The following ZNF783 variants were observed in gnomAD, a reference collection of about 807,000 sequenced individuals.
ZNF783 encodes zinc finger protein 783, also known as protein ZNF783.
A neutral mutation model predicts 31.3 loss-of-function variants in ZNF783; 25 were observed. That is an observed-to-expected ratio of 0.80 (90% CI 0.58 to 1.11). The LOEUF is 1.11. Among genes scored for constraint, ZNF783 ranks in the 50% most tolerant of loss-of-function variants. ZNF783 has a pLI of 0.00. For missense variants in ZNF783, 797 were observed against 760.0 expected (o/e 1.05, Z -0.57); for synonymous variants, 369 against 319.1 (o/e 1.16, Z -1.66).
rs759098584 is a variant in ZNF783, at chr7:149,266,452, G to A, written c.142G>A (p.Ala48Thr). ...STEITLWTVVAAIQALEKKVD... is the reference protein window; with the variant it reads ...STEITLWTVVTAIQALEKKVD... ...GGAAATCACACTGTGGACGGTGGTG[G>A]CCGCCATTCAGGCCTTGGAGAAGAA... Residue 48 changes from alanine (A) to threonine (T), a missense_variant, in exon 2 of 6, where the codon GCC (alanine) becomes ACC (threonine). By Grantham distance (58) the Ala-to-Thr change is moderately conservative. Coordinates refer to ENST00000434415, the MANE Select transcript of ZNF783 (RefSeq NM_001195220.2). 29 of 1,607,456 alleles carry A rather than the reference G, an allele frequency of 1.8e-5. No individual in the cohort carries two copies. In the Admixed American group the frequency reaches 4.8e-4, roughly 27 times the overall value.
At position 149,266,498 on chromosome 7, in the gene ZNF783, G is replaced by A. The variant is rs778915004; in HGVS notation, c.188G>A (p.Arg63His). 158 of 1,613,522 alleles carry A rather than the reference G, an allele frequency of 9.8e-5. No homozygotes were observed. In the South Asian group the frequency reaches 9.9e-4, roughly 10 times the overall value. ...AAGAAGGTGGATTCCTGCCTGACCC[G>A]CTTGCTGACTCTGGAGGGGCGCACG... The part of the protein sequence containing the change: ...LEKKVDSCLT[R>H]LLTLEGRTGT... Residue 63 changes from arginine to histidine, a missense_variant, in exon 2 of 6, where the codon CGC becomes CAC. By Grantham distance (29) the Arg-to-His change is conservative. Coordinates refer to ENST00000434415, the MANE Select transcript of ZNF783 (RefSeq NM_001195220.2).
intron 4 of ZNF783, among the ~76,000 whole-genome samples, chr7:149,273,875 G>A (rs1797265885): frequency 6.6e-6 from 1 of 152,138 alleles, no homozygotes. Context: ...TATCTATTCA[G>A]ATCTTTTGCC....
At chr7:149,273,337 A>G (rs905522113) in intron 4 of ZNF783, among the ~76,000 whole-genome samples, 1 of 152,126 alleles carries the variant, frequency 6.6e-6, no homozygotes, top group Non-Finnish European at 1.5e-5. Flanking sequence ...ACTGTTCTCC[A>G]TAGTGGTTGC....
chr7:149,281,125 T>C (rs928065996), intron 5 of ZNF783, among the ~76,000 whole-genome samples: 2 of 152,176 alleles, frequency 1.3e-5, no homozygotes, highest in Non-Finnish European at 2.9e-5. Flanking sequence ...TCACAGATGG[T>C]AACTAATGTC....
At chr7:149,275,038 A>G (rs1194264883) in intron 4 of ZNF783, among the ~76,000 whole-genome samples, 4 of 152,210 alleles carry the variant, frequency 2.6e-5, no homozygotes, top group Non-Finnish European at 5.9e-5. Context: ...AACATGGAAT[A>G]TCTTTCCATT....
intron 4 of ZNF783, chr7:149,276,682 T>TTTAG: frequency 1.1e-6 from 1 of 921,126 alleles, no homozygotes; most frequent in Non-Finnish European, 1.3e-6. Context: ...TATTTATTTA[T>TTTAG]TTATTTGAGA....
rs1585614738 is a variant in ZNF783 at position 149,273,527 on chromosome 7, C to A, written c.674-4872C>A. Among the ~76,000 whole-genome samples the A allele has an allele frequency of 4.6e-5, 7 of 151,782 alleles. 1 individual carries two copies. In the South Asian group the frequency reaches 1.3e-3, roughly 27 times the overall value. On this transcript the variant is annotated intron_variant, in intron 4 of 5. Coordinates refer to ENST00000434415, the MANE Select transcript of ZNF783 (RefSeq NM_001195220.2). ...ATTATGTTGAGCACCTTTTCATATA[C>A]CTGTTTGCCATTTGTACTTTTTTTT... is the stretch of plus-strand genomic sequence containing the variant.
At position 149,284,205 on chromosome 7, in the gene ZNF783, C is replaced by T. The variant is rs569291742; in HGVS notation, c.*1862C>T. The stretch of plus-strand genomic sequence containing the variant: ...CCCAGCTATCCTTGTTTTTTACCGC[C>T]TTGTCTGGCACTGTGACCACGCTTC... On this transcript the variant is annotated 3_prime_UTR_variant, in exon 6 of 6. Coordinates refer to ENST00000434415, the MANE Select transcript of ZNF783 (RefSeq NM_001195220.2). The T allele has an allele frequency of 1.3e-5, 2 of 152,438 alleles. No homozygotes were observed. The highest frequency in any genetic ancestry group is 2.4e-5 in the African/African-American group (1 of 41,570). 9.4% of individuals were successfully genotyped at this position (152,438 alleles called of 1,614,324 possible).
At chr7:149,271,839 G>A (rs1260957836) in intron 4 of ZNF783, among the ~76,000 whole-genome samples, 1 of 152,068 alleles carries the variant, frequency 6.6e-6, no homozygotes, top group Admixed American at 6.6e-5. Flanking sequence ...ATATGATTAT[G>A]TACAGATCTT....
chr7:149,263,490 ATATC>A lies in ZNF783; in HGVS notation c.24+1147_24+1150del, dbSNP rs748938303. ...ACAGGCGCAGGTGCCTGTCTCATTT[ATATC>A]TATCTATCTATCTGTCCAGATACAT... On this transcript the variant is annotated intron_variant, in intron 1 of 5. Transcript: ENST00000434415. 1.5e-3 allele frequency among the ~76,000 whole-genome samples: 232 copies of A among 151,866 alleles called. 1 individual carries two copies. The highest frequency in any genetic ancestry group is 2.2e-3 in the African/African-American group (91 of 41,408).
intron 4 of ZNF783, among the ~76,000 whole-genome samples, chr7:149,273,221 G>T (rs1797248700): frequency 1.3e-5 from 2 of 152,222 alleles, no homozygotes; most frequent in South Asian, 4.1e-4. Flanking sequence ...TGGGAGTGCA[G>T]ATACCTCTTT....
chr7:149,276,233 A>C, intron 4 of ZNF783: 1 of 634,974 alleles, frequency 1.6e-6, no homozygotes, highest in Non-Finnish European at 2.0e-6. Context: ...CAGGATTCAT[A>C]TTTTCACTTA....
chr7:149,262,268 C>T lies in ZNF783; in HGVS notation c.-66C>T. ...TCCCGCTCCGCTTCCGCCGTCGCTG[C>T]CGCGCCGCCCCGGGCCCGACAGGCC... On this transcript the variant is annotated 5_prime_UTR_variant, in exon 1 of 6. Coordinates refer to ENST00000434415, the MANE Select transcript of ZNF783 (RefSeq NM_001195220.2). The T allele has an allele frequency of 1.5e-6, 2 of 1,306,094 alleles. No homozygotes were observed. The highest frequency in any genetic ancestry group is 3.7e-5 in the Admixed American group (1 of 26,878). The allele number at this position is 1,306,094 out of a possible 1,614,324, so 80.9% of individuals were successfully genotyped here. A position where few individuals can be genotyped will look rare whatever the true frequency, so the allele number is the denominator to read the frequency against.
At chr7:149,278,222 G>A (rs1451580898) in intron 4 of ZNF783, 177 bp from the exon 5 acceptor site, 23 of 1,409,556 alleles carry the variant, frequency 1.6e-5, no homozygotes, top group South Asian at 1.5e-4. Context: ...TGGGACATGA[G>A]GCTTTAGACT....
Position 149,262,363 on chromosome 7 carries a change from C to G in ZNF783, c.24+6C>G. On this transcript the variant is annotated splice_donor_region_variant and intron_variant, in intron 1 of 5. Coordinates refer to ENST00000434415, the MANE Select transcript of ZNF783 (RefSeq NM_001195220.2). The stretch of plus-strand genomic sequence containing the variant: ...CCGAAGCGGCGCCTGCCCGGGTAAG[C>G]GCCCTCGGCCCCGCGGACGCCCGGA... The G allele has an allele frequency of 7.7e-7, 1 of 1,301,232 alleles. No individual in the cohort carries two copies. Among genetic ancestry groups the G allele is most frequent in the South Asian group, 2.1e-5 (1 of 48,386 alleles). 80.6% of individuals were successfully genotyped at this position (1,301,232 alleles called of 1,614,324 possible). A position where few individuals can be genotyped will look rare whatever the true frequency, so the allele number is the denominator to read the frequency against.
chr7:149,263,300 G>GTA (rs1192944583), intron 1 of ZNF783, among the ~76,000 whole-genome samples: 12 of 74,298 alleles, frequency 1.6e-4, no homozygotes, highest in East Asian at 7.2e-4. Flanking sequence ...GTGTGTGTGT[G>GTA]TGTGTATATA....
chr7:149,278,261 GT>G, intron 4 of ZNF783, 137 bp from the exon 5 acceptor site: 1 of 1,456,552 alleles, frequency 6.9e-7, no homozygotes, highest in South Asian at 1.4e-5. Flanking sequence ...ATTTGGTGGG[GT>G]CCACCTCACT....
At chr7:149,264,723 A>G (rs1797022580) in intron 1 of ZNF783, among the ~76,000 whole-genome samples, 1 of 151,902 alleles carries the variant, frequency 6.6e-6, no homozygotes, top group South Asian at 2.1e-4. Flanking sequence ...AAATATAAAA[A>G]TCAGCTGGGT....
chr7:149,271,978 A>G (rs1185851245), intron 4 of ZNF783, among the ~76,000 whole-genome samples: 3 of 152,200 alleles, frequency 2.0e-5, no homozygotes, highest in Admixed American at 6.5e-5. Flanking sequence ...TACGTTGTGC[A>G]TAAATCAGTT....
Sources: allele counts gnomAD v4.1 joint callset (sites outside exome capture counted in the v4.1 genomes callset), GRCh38; gene constraint gnomAD v4.1.1; transcripts MANE v1.5; gene names NCBI Gene and HGNC (gene_info 2026-07-23, HGNC 2026-07-21).